Variants in RNASE10 observed in about 807,000 individuals in gnomAD.
RNASE10 encodes the protein inactive ribonuclease-like protein 10.
Under a neutral mutation model 1.1 loss-of-function variants are expected in RNASE10, and 2 were observed. The ratio of observed to expected loss-of-function variants is 1.82; its 90% CI spans 0.74 to 5.73. RNASE10 has a LOEUF of 5.73. RNASE10 is among the 30% of genes most tolerant of loss of function. The pLI is 0.05. For synonymous variants in RNASE10, 97 were observed against 96.2 expected, an observed-to-expected ratio of 1.01 and a Z score of -0.05; for missense variants, 276 against 263.4, an observed-to-expected ratio of 1.05 and a Z score of -0.33.
downstream of RNASE10, chr14:20,511,242 A>G (rs893272197): frequency 4.8e-5 from 38 of 788,566 alleles, no homozygotes; most frequent in Middle Eastern, 3.5e-4. Flanking sequence ...TCCTTGCCCT[A>G]TGGGTCACCC....
chr14:20,510,639 T>C (rs1338732111), exon 2 of RNASE10: 17 of 1,614,036 alleles, frequency 1.1e-5, no homozygotes, highest in Non-Finnish European at 1.4e-5. Context: ...CTGAGGCCAC[T>C]GAGGAGGGAG....
chr14:20,504,802 C>T (rs1882649537), upstream of RNASE10, among the ~76,000 whole-genome samples: 2 of 150,904 alleles, frequency 1.3e-5, no homozygotes, highest in East Asian at 3.9e-4. Context: ...AAGTAATGCA[C>T]GTCCACAAAA....
chr14:20,507,635 T>A (rs11625261), intron 1 of RNASE10, among the ~76,000 whole-genome samples: 31,180 of 91,650 alleles, frequency 0.34, 4,176 homozygotes, highest in African/African-American at 0.46. Context: ...AATAAATAAA[T>A]AAAATTTTCA....
At chr14:20,510,762 C>T (rs760013622) in exon 2 of RNASE10, 5 of 1,614,060 alleles carry the variant, frequency 3.1e-6, no homozygotes, top group South Asian at 1.1e-5. Flanking sequence ...ACAAGATGCT[C>T]AGAGCCTCAG....
intron 1 of RNASE10, among the ~76,000 whole-genome samples, chr14:20,509,698 T>G (rs1214577751): frequency 3.3e-5 from 5 of 152,186 alleles, no homozygotes; most frequent in Non-Finnish European, 5.9e-5. Flanking sequence ...AAAGAGATGG[T>G]CTTCTGTGGT....
exon 2 of RNASE10, chr14:20,510,628 G>C: frequency 1.9e-6 from 3 of 1,614,182 alleles, no homozygotes; most frequent in Admixed American, 1.7e-5. Context: ...ACAGGACAAA[G>C]CTGAGGCCAC....
intron 1 of RNASE10, among the ~76,000 whole-genome samples, chr14:20,509,319 A>T (rs966436912): frequency 6.6e-6 from 1 of 152,244 alleles, no homozygotes; most frequent in Non-Finnish European, 1.5e-5. Context: ...AAGTGCTGGG[A>T]TTATAGGCAG....
chr14:20,508,529 G>C (rs1174387584), intron 1 of RNASE10, among the ~76,000 whole-genome samples: 2 of 152,156 alleles, frequency 1.3e-5, no homozygotes, highest in Admixed American at 6.5e-5. Flanking sequence ...CTCAGCGCCT[G>C]TGTTCACATA....
exon 2 of RNASE10, chr14:20,511,154 C>A (rs1882891471): frequency 2.1e-6 from 3 of 1,397,400 alleles, no homozygotes; most frequent in Non-Finnish European, 2.9e-6. Context: ...TCTTCACCTT[C>A]TCCTGTTCCT....
chr14:20,511,101 C>T (rs773901152), exon 2 of RNASE10: 16 of 1,496,328 alleles, frequency 1.1e-5, no homozygotes, highest in South Asian at 1.4e-5. Flanking sequence ...ACATGAAGCG[C>T]CAGTTACCAA....
chr14:20,506,622 GA>G (rs1417179945), intron 1 of RNASE10, among the ~76,000 whole-genome samples: 17 of 103,160 alleles, frequency 1.6e-4, no homozygotes, highest in African/African-American at 3.2e-4. Context: ...GAGGTGGGGG[GA>G]TCAGCCCCCC....
intron 1 of RNASE10, among the ~76,000 whole-genome samples, chr14:20,510,190 C>A (rs764736813): frequency 7.2e-5 from 11 of 151,864 alleles, no homozygotes; most frequent in Non-Finnish European, 1.6e-4. Context: ...TGTAAATTAC[C>A]TCAGAACTGC....
At chr14:20,506,665 T>G (rs1449732588) in intron 1 of RNASE10, among the ~76,000 whole-genome samples, 6 of 59,288 alleles carry the variant, frequency 1.0e-4, no homozygotes, top group East Asian at 4.6e-4. Context: ...AGGAGGGAGG[T>G]GGGGGGTCAG....
chr14:20,512,504 A>C (rs1469362896), downstream of RNASE10, among the ~76,000 whole-genome samples: 1 of 152,190 alleles, frequency 6.6e-6, no homozygotes, highest in Non-Finnish European at 1.5e-5. Flanking sequence ...GACATACATA[A>C]ATGGGAGACT....
downstream of RNASE10, among the ~76,000 whole-genome samples, chr14:20,512,577 A>C (rs1348142502): frequency 6.6e-6 from 1 of 152,126 alleles, no homozygotes; most frequent in Non-Finnish European, 1.5e-5. Context: ...TTCTGTCTTT[A>C]TTCTCTTTAT....
downstream of RNASE10, among the ~76,000 whole-genome samples, chr14:20,512,595 G>A (rs1030314749): frequency 6.6e-6 from 1 of 152,170 alleles, no homozygotes; most frequent in Non-Finnish European, 1.5e-5. Flanking sequence ...TATCCTTCCT[G>A]TTTTCACAGA....
At chr14:20,507,068 A>G (rs1453939244) in intron 1 of RNASE10, among the ~76,000 whole-genome samples, 1 of 150,032 alleles carries the variant, frequency 6.7e-6, no homozygotes, top group East Asian at 2.0e-4. Flanking sequence ...CCCTACTGGG[A>G]AGTGAGGAGC....
chr14:20,511,064 A>G, exon 2 of RNASE10: 1 of 1,525,790 alleles, frequency 6.6e-7, no homozygotes, highest in Non-Finnish European at 8.8e-7. Flanking sequence ...TCTGTTATAA[A>G]AAAGCACATT....
At chr14:20,506,694 G>A (rs1229367587) in intron 1 of RNASE10, among the ~76,000 whole-genome samples, 1 of 114,270 alleles carries the variant, frequency 8.8e-6, no homozygotes, top group Non-Finnish European at 1.8e-5. Context: ...CCGGCCAGCC[G>A]CCCCGTCCGG....
Sources: gnomAD v4.1 joint callset for allele counts (sites outside exome capture counted in the v4.1 genomes callset) on GRCh38, gnomAD v4.1.1 for gene constraint, MANE v1.5 for transcripts, NCBI Gene and HGNC (gene_info 2026-07-23, HGNC 2026-07-21) for gene names.